Variants in SV2B observed in about 807,000 individuals in gnomAD.
The protein encoded by SV2B is synaptic vesicle glycoprotein 2B.
A neutral mutation model predicts 73.9 loss-of-function variants in SV2B; 41 were observed. The ratio of observed to expected loss-of-function variants is 0.56; its 90% CI spans 0.43 to 0.72. The LOEUF is 0.72. Ranked by LOEUF, SV2B falls within the 30% of genes least tolerant of loss-of-function variation. The pLI is 0.00. For synonymous variants in SV2B, 314 were observed against 314.2 expected (o/e 1.00, Z 0.01); for missense variants, 764 against 857.8 (o/e 0.89, Z 1.37).
In SV2B at chr15:91,292,561, T is replaced by C. The variant is rs564337734; in HGVS notation, c.*9T>C. 1.2e-6 allele frequency: 2 copies of C among 1,607,838 alleles called. No individual in the cohort carries two copies. The highest frequency in any genetic ancestry group is 2.2e-5 in the East Asian group (1 of 44,686). On this transcript the variant is annotated 3_prime_UTR_variant, in exon 13 of 13. Transcript: ENST00000394232. The stretch of plus-strand genomic sequence containing the variant: ...AACAGGTCCTGATGTGAACAACCTA[T>C]GGGAAAAGGAAAGGTCGAGAGAATC...
rs1394525009 is a variant in SV2B, at chr15:91,121,746, T to C, written c.-392+21383T>C. Among the ~76,000 whole-genome samples, 1 of 147,730 alleles carries C rather than the reference T, an allele frequency of 6.8e-6. No homozygotes were observed. The highest frequency in any genetic ancestry group is 1.5e-5 in the Non-Finnish European group (1 of 67,766). On this transcript the variant is annotated intron_variant, in intron 1 of 12. Coordinates refer to ENST00000394232, the MANE Select transcript of SV2B (RefSeq NM_001323032.3). This position sits in a 1 kb window ranked among gnomAD's most constrained non-coding sequence, Gnocchi z 4.4. ...CACTCCTTTCCCCTTCGCGCTCACC[T>C]CAAGAAACCATCTATTTATATATTA...
At chr15:91,168,331 A>AGAGAGAGAGAG (rs58086579) in intron 1 of SV2B, among the ~76,000 whole-genome samples, 10 of 151,006 alleles carry the variant, frequency 6.6e-5, no homozygotes, top group South Asian at 2.1e-4. Flanking sequence ...AGAGAGAGAG[A>AGAGAGAGAGAG]AAAGAAATTT....
Position 91,267,494 on chromosome 15 carries a change from G to A in SV2B, c.1120-61G>A, listed in dbSNP as rs764525723. 3.5e-5 allele frequency: 51 copies of A among 1,442,954 alleles called. No homozygotes were observed. Among genetic ancestry groups the A allele is most frequent in the Middle Eastern group, 1.7e-4 (1 of 5,746 alleles). The allele number at this position is 1,442,954 out of a possible 1,614,324, so 89.4% of individuals were successfully genotyped here. A position where few individuals can be genotyped will look rare whatever the true frequency, so the allele number is the denominator to read the frequency against. On this transcript the variant is annotated intron_variant, in intron 7 of 12. Coordinates refer to ENST00000394232, the MANE Select transcript of SV2B (RefSeq NM_001323032.3). This position sits in a 1 kb window ranked among gnomAD's most constrained non-coding sequence, Gnocchi z 4.3. ...AGAATATCTGAGTAATGAGCTCTTC[G>A]TGGGAGAAACAAAGTCACACATTGC...
Position 91,165,046 on chromosome 15 carries a change from T to A in SV2B, c.-391-60827T>A, listed in dbSNP as rs191000078. ...ATTCAAGCAACTGTGGATCAAAAAATTTTTTTTAGGCTGGACATGGTGGCT... is the reference window on the plus strand; with the variant it reads ...ATTCAAGCAACTGTGGATCAAAAAAATTTTTTTAGGCTGGACATGGTGGCT... On this transcript the variant is annotated intron_variant, in intron 1 of 12. Transcript: ENST00000394232. 2.0e-4 allele frequency among the ~76,000 whole-genome samples: 31 copies of A among 152,160 alleles called. No homozygotes were observed. The East Asian group carries it at 3.3e-3, about 16-fold the overall frequency.
intron 9 of SV2B, among the ~76,000 whole-genome samples, chr15:91,274,219 G>A (rs1008570359): frequency 6.6e-6 from 1 of 152,224 alleles, no homozygotes; most frequent in Non-Finnish European, 1.5e-5. Context: ...CCTAGAAGAG[G>A]AATTGCTGGG....
At chr15:91,138,174 A>G (rs539839141) in intron 1 of SV2B, among the ~76,000 whole-genome samples, 1 of 152,304 alleles carries the variant, frequency 6.6e-6, no homozygotes, top group South Asian at 2.1e-4. Flanking sequence ...AACCAACCAA[A>G]AAAACCCTAA....
chr15:91,107,691 C>G (rs1409384569), intron 1 of SV2B, among the ~76,000 whole-genome samples: 1 of 152,100 alleles, frequency 6.6e-6, no homozygotes. Flanking sequence ...CTCACTGCAG[C>G]CTTGACCTCC....
In SV2B at chr15:91,106,555, T is replaced by C. The variant is rs2041889006; in HGVS notation, c.-392+6192T>C. ...CATGGGAGCCTTATTGTGGATCTTA[T>C]GCACTAAAAAGAGGCTTTAAATGTG... On this transcript the variant is annotated intron_variant, in intron 1 of 12. Transcript: ENST00000394232. This position sits in a 1 kb window ranked among gnomAD's most constrained non-coding sequence, Gnocchi z 4.4. Among the ~76,000 whole-genome samples the C allele has an allele frequency of 2.0e-5, 3 of 152,326 alleles. No homozygotes were observed. Among genetic ancestry groups the C allele is most frequent in the African/African-American group, 2.4e-5 (1 of 41,570 alleles).
rs1327159534 is a variant in SV2B at position 91,132,410 on chromosome 15, TA to T, written c.-392+32048del. 1.3e-5 allele frequency among the ~76,000 whole-genome samples: 2 copies of T among 152,228 alleles called. No homozygotes were observed. The highest frequency in any genetic ancestry group is 2.9e-5 in the Non-Finnish European group (2 of 68,040). The stretch of plus-strand genomic sequence containing the variant: ...TTAGGGTGAAGTAAAGTTATACTTC[TA>T]TGCAAATGAAGACTTGGCCTGCAAT... On this transcript the variant is annotated intron_variant, in intron 1 of 12. Coordinates refer to ENST00000394232, the MANE Select transcript of SV2B (RefSeq NM_001323032.3). The surrounding 1 kb of genome is among the most constrained non-coding windows in gnomAD (Gnocchi z 4.6).
intron 5 of SV2B, among the ~76,000 whole-genome samples, chr15:91,259,753 G>A (rs2047839101): frequency 6.6e-6 from 1 of 152,134 alleles, no homozygotes; most frequent in Non-Finnish European, 1.5e-5. Flanking sequence ...ATCGTCACAT[G>A]GTGTCCTCCC....
intron 9 of SV2B, among the ~76,000 whole-genome samples, chr15:91,276,228 T>C (rs555613303): frequency 6.6e-6 from 1 of 152,172 alleles, no homozygotes; most frequent in African/African-American, 2.4e-5. Flanking sequence ...TTTCCCTTTA[T>C]ATTTGATATT....
At chr15:91,273,599 T>G (rs1382003611) in intron 9 of SV2B, among the ~76,000 whole-genome samples, 1 of 152,252 alleles carries the variant, frequency 6.6e-6, no homozygotes, top group Non-Finnish European at 1.5e-5. Flanking sequence ...GTTTTTCTCT[T>G]GTTATATAAT....
chr15:91,153,794 G>C (rs2043394104), intron 1 of SV2B, among the ~76,000 whole-genome samples: 1 of 147,168 alleles, frequency 6.8e-6, no homozygotes, highest in Non-Finnish European at 1.5e-5. Context: ...AAGGGTCAAA[G>C]AATTATGTGA....
chr15:91,138,824 C>T (rs944300452), intron 1 of SV2B, among the ~76,000 whole-genome samples: 1 of 152,226 alleles, frequency 6.6e-6, no homozygotes, highest in East Asian at 1.9e-4. Context: ...CTCACGGTTA[C>T]TGAGAGATGA....
rs191153363 is a variant in SV2B at position 91,144,293 on chromosome 15, T to G, written c.-392+43930T>G. Among the ~76,000 whole-genome samples the G allele has an allele frequency of 1.6e-4, 24 of 152,308 alleles. No homozygotes were observed. The East Asian group carries it at 3.9e-3, about 24-fold the overall frequency. On this transcript the variant is annotated intron_variant, in intron 1 of 12. Coordinates refer to ENST00000394232, the MANE Select transcript of SV2B (RefSeq NM_001323032.3). ...AATGTAGCATTCTCAAATATACTTC[T>G]CCTTGGTGTGCTTGAAGCAGAAAAA...
chr15:91,108,766 A>G (rs1483465012), intron 1 of SV2B, among the ~76,000 whole-genome samples: 2 of 152,190 alleles, frequency 1.3e-5, no homozygotes, highest in East Asian at 1.9e-4. Context: ...CCCCAGTTAC[A>G]TCGTCAGCAA....
chr15:91,253,613 G>A lies in SV2B; in HGVS notation c.784+1093G>A, dbSNP rs781099193. Among the ~76,000 whole-genome samples the A allele has an allele frequency of 4.6e-5, 7 of 152,234 alleles. No homozygotes were observed. The highest frequency in any genetic ancestry group is 1.0e-4 in the Non-Finnish European group (7 of 68,040). On this transcript the variant is annotated intron_variant, in intron 4 of 12. Transcript: ENST00000394232. The surrounding 1 kb of genome is among the most constrained non-coding windows in gnomAD (Gnocchi z 5.0). ...GCATTTCTAATCTGCAGGTGGCTCCGCTCCATCAGTAATTCTGGAGTTTAG... is the reference window on the plus strand; with the variant it reads ...GCATTTCTAATCTGCAGGTGGCTCCACTCCATCAGTAATTCTGGAGTTTAG...
At position 91,241,869 on chromosome 15, in the gene SV2B, A is replaced by G. The variant is rs990065944; in HGVS notation, c.452-9950A>G. On this transcript the variant is annotated intron_variant, in intron 2 of 12. Transcript: ENST00000394232. The surrounding 1 kb of genome is among the most constrained non-coding windows in gnomAD (Gnocchi z 4.8). ...CATTTCTTCAGTCTTGATCCCACAC[A>G]CATCTTTTCTATTCCCTTTCCAGTA... Among the ~76,000 whole-genome samples, 4 of 152,158 alleles carry G rather than the reference A, an allele frequency of 2.6e-5. No individual in the cohort carries two copies. In the South Asian group the frequency reaches 8.3e-4, roughly 32 times the overall value.
intron 1 of SV2B, among the ~76,000 whole-genome samples, chr15:91,225,535 TA>T (rs1402723820): frequency 3.5e-4 from 53 of 152,182 alleles, no homozygotes; most frequent in Admixed American, 3.2e-3. Context: ...TATTTTATTT[TA>T]TTTTTTTATT....
Sources: allele counts gnomAD v4.1 joint callset (sites outside exome capture counted in the v4.1 genomes callset), GRCh38; gene constraint gnomAD v4.1.1; non-coding constraint Gnocchi (gnomAD v3.1); transcripts MANE v1.5; gene names NCBI Gene and HGNC (gene_info 2026-07-23, HGNC 2026-07-21).